The following MATN2 variants were observed in gnomAD, a reference collection of about 807,000 sequenced individuals.
MATN2 encodes the protein matrilin 2, also known as matrilin-2.
MATN2 carries 69 observed loss-of-function variants against 103.2 expected under a neutral mutation model. That is an observed-to-expected ratio of 0.67 (90% CI 0.55 to 0.82). The LOEUF (loss-of-function observed/expected upper bound fraction) is 0.82. Among genes scored for constraint, MATN2 ranks in the 40% least tolerant of loss-of-function variants. The probability of loss-of-function intolerance (pLI) is 0.00; values close to 1 mark genes in which losing one functional copy is unlikely to be tolerated. For synonymous variants in MATN2, 429 were observed against 450.2 expected, an observed-to-expected ratio of 0.95 and a Z score of 0.60; for missense variants, 1,023 against 1,211.5, an observed-to-expected ratio of 0.84 and a Z score of 2.31.
At chr8:97,927,165 T>G (rs1810014229) in intron 2 of MATN2, among the ~76,000 whole-genome samples, 1 of 152,098 alleles carries the variant, frequency 6.6e-6, no homozygotes. Context: ...GTTTTTGAGA[T>G]GGAGTTCCAC....
At position 98,009,226 on chromosome 8, in the gene MATN2, C is replaced by T. The variant is rs59437819; in HGVS notation, c.1573+1625C>T. ...CTGATACATATGCATTGAGCTATTC[C>T]CCTAATTGAAGACTTTCTGCCTGTC... On this transcript the variant is annotated intron_variant, in intron 10 of 18. Coordinates refer to ENST00000254898, the MANE Select transcript of MATN2 (RefSeq NM_002380.5). Among the ~76,000 whole-genome samples, 295 of 152,226 alleles carry T rather than the reference C, an allele frequency of 1.9e-3. 2 individuals are homozygous for T. The highest frequency in any genetic ancestry group is 6.9e-3 in the African/African-American group (285 of 41,534).
chr8:98,035,289 G>C (rs934436466), intron 18 of MATN2, among the ~76,000 whole-genome samples: 2 of 151,974 alleles, frequency 1.3e-5, no homozygotes, highest in African/African-American at 4.8e-5. Flanking sequence ...CCCAGGAGGC[G>C]GAGGTTGCAG....
Position 98,027,378 on chromosome 8 carries a change from T to C in MATN2, c.1943-38T>C, listed in dbSNP as rs1452025689. On this transcript the variant is annotated intron_variant, in intron 13 of 18. Transcript: ENST00000254898. ...TTCTACTCTTGTGCATAAATGATTT[T>C]TTATTCAACTATGTCAACTTTCCTT... 7.9e-6 allele frequency: 12 copies of C among 1,525,854 alleles called. No homozygotes were observed. In the Admixed American group the frequency reaches 1.2e-4, roughly 15 times the overall value. 94.5% of individuals were successfully genotyped at this position (1,525,854 alleles called of 1,614,324 possible).
At chr8:98,021,447 A>G (rs1813587405) in intron 13 of MATN2, 120 bp downstream of exon 13, 2 of 1,103,672 alleles carry the variant, frequency 1.8e-6, no homozygotes, top group East Asian at 5.0e-5. Flanking sequence ...ATGCATATGC[A>G]CAAATACAGA....
chr8:97,945,257 T>TTA (rs1810708014), intron 4 of MATN2, among the ~76,000 whole-genome samples: 1 of 152,180 alleles, frequency 6.6e-6, no homozygotes. Context: ...CCTGAGTGTT[T>TTA]TATATCTGCT....
chr8:97,894,178 C>T (rs1441760645), intron 2 of MATN2, among the ~76,000 whole-genome samples: 2 of 152,088 alleles, frequency 1.3e-5, no homozygotes, highest in Admixed American at 6.6e-5. Flanking sequence ...AGGGCCTGAG[C>T]TCCCTCCCAC....
In MATN2 at chr8:98,018,129, G is replaced by A. The variant is rs114115929; in HGVS notation, c.1819+13G>A. 3,682 of 1,613,306 alleles carry A rather than the reference G, an allele frequency of 2.3e-3. 48 individuals are homozygous for A. The African/African-American group carries it at 0.026, about 11-fold the overall frequency. The stretch of plus-strand genomic sequence containing the variant: ...AAACGCTGCCGAAGTAAGTAGCCTC[G>A]AGGTGGAGAAGAACTTTTCCCTCTG... On this transcript the variant is annotated intron_variant, in intron 12 of 18. Coordinates refer to ENST00000254898, the MANE Select transcript of MATN2 (RefSeq NM_002380.5).
chr8:97,873,352 CT>C lies in MATN2; in HGVS notation c.-27+4079del, dbSNP rs772184378. On this transcript the variant is annotated intron_variant, in intron 1 of 18. Transcript: ENST00000254898. ...AGTTTGTTTTCACATCTCTTTTTTT[CT>C]TTTTTTTTTTTTTCCCAGACAGTTT... Among the ~76,000 whole-genome samples, 538 of 141,908 alleles carry C rather than the reference CT, an allele frequency of 3.8e-3. 2 individuals are homozygous for C. The highest frequency in any genetic ancestry group is 0.014 in the East Asian group (69 of 4,894). 93.1% of individuals were successfully genotyped at this position (141,908 alleles called of 152,430 possible).
chr8:98,019,159 C>T (rs1813487174), intron 12 of MATN2, among the ~76,000 whole-genome samples: 1 of 150,614 alleles, frequency 6.6e-6, no homozygotes, highest in Non-Finnish European at 1.5e-5. Context: ...TATATGTATA[C>T]TATGGTCTGT....
At chr8:98,008,374 T>C (rs577872955) in intron 10 of MATN2, among the ~76,000 whole-genome samples, 3 of 152,202 alleles carry the variant, frequency 2.0e-5, no homozygotes, top group African/African-American at 7.2e-5. Flanking sequence ...GAATCAGAAA[T>C]GAAAGAAAAG....
At chr8:97,888,346 G>T (rs1183381322) in intron 2 of MATN2, 104 bp downstream of exon 2, 5 of 1,310,932 alleles carry the variant, frequency 3.8e-6, no homozygotes, top group Non-Finnish European at 3.9e-6. Context: ...CTTTCCCTGG[G>T]TCCTTGTTGG....
At position 97,988,235 on chromosome 8, in the gene MATN2, T is replaced by C. The variant is rs542993217; in HGVS notation, c.1082-6245T>C. Among the ~76,000 whole-genome samples the C allele has an allele frequency of 8.6e-5, 12 of 139,928 alleles. No homozygotes were observed. In the East Asian group the frequency reaches 1.6e-3, roughly 19 times the overall value. 91.8% of individuals were successfully genotyped at this position (139,928 alleles called of 152,430 possible). A position where few individuals can be genotyped will look rare whatever the true frequency, so the allele number is the denominator to read the frequency against. ...ACACACATACATATATATATATATA[T>C]ACAGAAAAATCATAAACAAGTTTAT... On this transcript the variant is annotated intron_variant, in intron 6 of 18. Transcript: ENST00000254898.
chr8:97,931,697 A>G lies in MATN2; in HGVS notation c.712+175A>G, dbSNP rs1387862228. On this transcript the variant is annotated intron_variant, in intron 3 of 18. Transcript: ENST00000254898. This position sits in a 1 kb window ranked among gnomAD's most constrained non-coding sequence, Gnocchi z 4.1. ...GGCTTACACTTTGGCCAAGAGACACATGTTTTTATTTATTTATCTTTTAGA... is the reference window on the plus strand; with the variant it reads ...GGCTTACACTTTGGCCAAGAGACACGTGTTTTTATTTATTTATCTTTTAGA... Among the ~76,000 whole-genome samples, 8 of 152,152 alleles carry G rather than the reference A, an allele frequency of 5.3e-5. No homozygotes were observed. The East Asian group carries it at 1.3e-3, about 26-fold the overall frequency.
Position 97,941,770 on chromosome 8 carries a change from C to A in MATN2, c.713-7C>A. 1.9e-6 allele frequency: 3 copies of A among 1,580,304 alleles called. No homozygotes were observed. The highest frequency in any genetic ancestry group is 2.3e-5 in the South Asian group (2 of 86,566). On this transcript the variant is annotated splice_region_variant and splice_polypyrimidine_tract_variant and intron_variant, in intron 3 of 18. Coordinates refer to ENST00000254898, the MANE Select transcript of MATN2 (RefSeq NM_002380.5). ...GTTGACTTACCTTCCTGTGTCTTCC[C>A]TTTCAGCGGCCCATATGTGCAGCAC... is the stretch of plus-strand genomic sequence containing the variant.
chr8:98,000,888 C>T (rs1812762464), intron 7 of MATN2, among the ~76,000 whole-genome samples: 1 of 152,032 alleles, frequency 6.6e-6, no homozygotes, highest in African/African-American at 2.4e-5. Context: ...ATGAATGCTA[C>T]GAAAGAGAGG....
Position 98,007,718 on chromosome 8 carries a change from CATGA to C in MATN2, c.1573+121_1573+124del. 4 of 1,248,446 alleles carry C rather than the reference CATGA, an allele frequency of 3.2e-6. No homozygotes were observed. The highest frequency in any genetic ancestry group is 3.3e-6 in the Non-Finnish European group (3 of 902,804). The allele number at this position is 1,248,446 out of a possible 1,614,324, so 77.3% of individuals were successfully genotyped here. On this transcript the variant is annotated intron_variant, in intron 10 of 18. Transcript: ENST00000254898. The surrounding 1 kb of genome is among the most constrained non-coding windows in gnomAD (Gnocchi z 4.2). ...CTGTCTCCAGGCTTTGCTGGGCCTG[CATGA>C]ATGTGTGTGACAGCATCTCTTAGCC...
intron 5 of MATN2, among the ~76,000 whole-genome samples, chr8:97,977,264 A>G (rs1422974632): frequency 2.9e-5 from 4 of 138,896 alleles, no homozygotes; most frequent in Admixed American, 2.2e-4. Flanking sequence ...AAAAAAAAAA[A>G]AGACAAGAAA....
rs898371491 is a variant in MATN2, at chr8:98,007,921, T to C, written c.1573+320T>C. Among the ~76,000 whole-genome samples the C allele has an allele frequency of 2.0e-5, 3 of 152,150 alleles. No individual in the cohort carries two copies. Among genetic ancestry groups the C allele is most frequent in the African/African-American group, 7.2e-5 (3 of 41,424 alleles). ...TAGTATGGCACATGAATAATAATAA[T>C]GTGGACCCCTCACTGACTGCTAGCT... On this transcript the variant is annotated intron_variant, in intron 10 of 18. Coordinates refer to ENST00000254898, the MANE Select transcript of MATN2 (RefSeq NM_002380.5). The surrounding 1 kb of genome is among the most constrained non-coding windows in gnomAD (Gnocchi z 4.2).
At chr8:97,987,424 C>T (rs963532116) in intron 6 of MATN2, among the ~76,000 whole-genome samples, 8 of 152,050 alleles carry the variant, frequency 5.3e-5, no homozygotes, top group Non-Finnish European at 1.0e-4. Flanking sequence ...CCTGCACATA[C>T]ACCCTAGAAC....
Sources: allele counts gnomAD v4.1 joint callset (sites outside exome capture counted in the v4.1 genomes callset), GRCh38; gene constraint gnomAD v4.1.1; non-coding constraint Gnocchi (gnomAD v3.1); transcripts MANE v1.5; gene names NCBI Gene and HGNC (gene_info 2026-07-23, HGNC 2026-07-21).